MCTP1: variants seen among roughly 807,000 people sequenced by gnomAD.
MCTP1 encodes the protein multiple C2 and transmembrane domain containing 1.
In MCTP1, 69 loss-of-function variants were observed where a neutral mutation model predicts 120.6. The ratio of observed to expected loss-of-function variants is 0.57; its 90% CI spans 0.47 to 0.70. The LOEUF (loss-of-function observed/expected upper bound fraction) is 0.70. Ranked by LOEUF, MCTP1 falls within the 30% of genes least tolerant of loss-of-function variation. The probability of loss-of-function intolerance (pLI) is 0.00; values close to 1 mark genes in which losing one functional copy is unlikely to be tolerated. For missense variants in MCTP1, 1,203 were observed against 1,248.8 expected, an observed-to-expected ratio of 0.96 and a Z score of 0.55; for synonymous variants, 529 against 493.1, an observed-to-expected ratio of 1.07 and a Z score of -0.96.
chr5:94,778,989 A>G (rs1776017989), intron 19 of MCTP1, 121 bp downstream of exon 19: 1 of 805,774 alleles, frequency 1.2e-6, no homozygotes, highest in African/African-American at 1.7e-5. Flanking sequence ...AGGATGATAA[A>G]CAGCACTGTC....
At chr5:94,741,934 T>C (rs1169534351) in intron 19 of MCTP1, among the ~76,000 whole-genome samples, 2 of 152,228 alleles carry the variant, frequency 1.3e-5, no homozygotes, top group Admixed American at 1.3e-4. Flanking sequence ...GGTTGTTAGA[T>C]GCCTCAAATG....
At chr5:94,992,267 A>G (rs1424554054) in intron 2 of MCTP1, among the ~76,000 whole-genome samples, 1 of 152,060 alleles carries the variant, frequency 6.6e-6, no homozygotes, top group Non-Finnish European at 1.5e-5. Flanking sequence ...TTTAGTTAAT[A>G]TGATGCTAAG....
chr5:95,025,878 C>G (rs1026061206), intron 1 of MCTP1, among the ~76,000 whole-genome samples: 2 of 152,128 alleles, frequency 1.3e-5, no homozygotes, highest in Non-Finnish European at 2.9e-5. Context: ...TTTGTGAAAA[C>G]TATGCACAAA....
chr5:95,283,446 G>A (rs1326393650), intron 1 of MCTP1, among the ~76,000 whole-genome samples: 1 of 152,178 alleles, frequency 6.6e-6, no homozygotes, highest in African/African-American at 2.4e-5. Context: ...CTTCCCGCCA[G>A]CCATTTGCTT....
intron 20 of MCTP1, among the ~76,000 whole-genome samples, chr5:94,714,088 T>TA (rs983905673): frequency 9.2e-5 from 14 of 151,994 alleles, no homozygotes; most frequent in South Asian, 2.1e-4. Context: ...ATACACCTTT[T>TA]AAAAAAAATA....
intron 18 of MCTP1, among the ~76,000 whole-genome samples, chr5:94,794,536 A>C (rs895237169): frequency 2.6e-5 from 4 of 152,264 alleles, no homozygotes; most frequent in African/African-American, 9.6e-5. Context: ...ATGCCCATGC[A>C]TGTAGCATAG....
At chr5:94,737,461 CTGTT>C (rs772172184) in intron 19 of MCTP1, among the ~76,000 whole-genome samples, 20 of 151,820 alleles carry the variant, frequency 1.3e-4, no homozygotes, top group Non-Finnish European at 2.2e-4. Context: ...ATTCTTGTCA[CTGTT>C]TGAATACTAA....
intron 10 of MCTP1, 137 bp downstream of exon 10, chr5:94,909,114 A>T (rs1807742425): frequency 2.9e-6 from 3 of 1,026,686 alleles, no homozygotes; most frequent in Non-Finnish European, 4.2e-6. Flanking sequence ...TTTTCAGTTC[A>T]TCCAAGCATT....
In MCTP1 at chr5:94,755,315, C is replaced by T. The variant is rs577256116; in HGVS notation, c.2610+23795G>A. On this transcript the variant is annotated intron_variant, in intron 19 of 22. Transcript: ENST00000515393. Reference sequence around the variant, plus strand: ...TCCCCTCTTCTAGCTCTGGATTCCTCCTTCCCCACTGATTCCTTTTAAAGA... The same window carrying T: ...TCCCCTCTTCTAGCTCTGGATTCCTTCTTCCCCACTGATTCCTTTTAAAGA... Among the ~76,000 whole-genome samples the T allele has an allele frequency of 1.2e-4, 19 of 152,286 alleles. No homozygotes were observed. The Middle Eastern group carries it at 0.014, about 109-fold the overall frequency.
chr5:94,891,789 T>TAAATAA (rs1361063830), intron 11 of MCTP1, among the ~76,000 whole-genome samples: 1 of 147,670 alleles, frequency 6.8e-6, no homozygotes, highest in South Asian at 2.2e-4. Context: ...TAAATAAATA[T>TAAATAA]ATTGGTTTAA....
chr5:94,721,737 T>C (rs931682754), intron 19 of MCTP1, among the ~76,000 whole-genome samples: 6 of 152,114 alleles, frequency 3.9e-5, no homozygotes, highest in African/African-American at 1.4e-4. Context: ...AGAGAATAAA[T>C]TGGTACATTC....
chr5:95,186,046 G>A (rs1024042617), intron 1 of MCTP1, among the ~76,000 whole-genome samples: 7 of 151,582 alleles, frequency 4.6e-5, no homozygotes, highest in African/African-American at 1.5e-4. Flanking sequence ...GCAGTGAGCC[G>A]AAATTGCGCC....
chr5:95,045,502 T>A (rs1197641136), intron 1 of MCTP1, among the ~76,000 whole-genome samples: 1 of 152,126 alleles, frequency 6.6e-6, no homozygotes, highest in African/African-American at 2.4e-5. Flanking sequence ...CTAGAGTCGA[T>A]GAAAGCTAGA....
chr5:95,096,048 A>G (rs1405025704), intron 1 of MCTP1, among the ~76,000 whole-genome samples: 1 of 152,186 alleles, frequency 6.6e-6, no homozygotes, highest in African/African-American at 2.4e-5. Flanking sequence ...CGCAATGACA[A>G]TGAAAAAATG....
intron 5 of MCTP1, among the ~76,000 whole-genome samples, chr5:94,933,764 T>C (rs1022238438): frequency 1.3e-4 from 19 of 151,798 alleles, no homozygotes; most frequent in Admixed American, 3.9e-4. Context: ...TAGCCAATAT[T>C]ACAAGGATTC....
At position 94,912,466 on chromosome 5, in the gene MCTP1, A is replaced by AAAAAAAAAAAAAAAAAAG. The variant is rs1211529200; in HGVS notation, c.1521+339_1521+340insCTTTTTTTTTTTTTTTTT. Among the ~76,000 whole-genome samples the AAAAAAAAAAAAAAAAAAG allele has an allele frequency of 1.2e-3, 109 of 92,098 alleles. 31 individuals carry two copies. Among genetic ancestry groups the AAAAAAAAAAAAAAAAAAG allele is most frequent in the South Asian group, 1.5e-3 (4 of 2,646 alleles). The allele number at this position is 92,098 out of a possible 152,430, so 60.4% of individuals were successfully genotyped here. On this transcript the variant is annotated intron_variant, in intron 9 of 22. Coordinates refer to ENST00000515393, the MANE Select transcript of MCTP1 (RefSeq NM_024717.7). Reference sequence around the variant, plus strand: ...AAAAAAAAAAAAAAAAAAAAAAAAAAGCCGCACTCTGAGTACTTTATGTGC... The same window carrying AAAAAAAAAAAAAAAAAAG: ...AAAAAAAAAAAAAAAAAAAAAAAAAAAAAAAAAAAAAAAAAAAGGCCGCACTCTGAGTACTTTATGTGC...
intron 1 of MCTP1, among the ~76,000 whole-genome samples, chr5:95,246,677 C>T (rs962224764): frequency 6.6e-6 from 1 of 152,132 alleles, no homozygotes; most frequent in Non-Finnish European, 1.5e-5. Context: ...CCTTAGAGAC[C>T]TACAAAGAGA....
At chr5:94,908,699 T>G (rs928320147) in intron 10 of MCTP1, among the ~76,000 whole-genome samples, 1 of 143,262 alleles carries the variant, frequency 7.0e-6, no homozygotes, top group African/African-American at 2.8e-5. Context: ...ACCTTAACTT[T>G]GTGAAAAATG....
intron 1 of MCTP1, among the ~76,000 whole-genome samples, chr5:95,190,495 T>C (rs964809427): frequency 2.6e-5 from 4 of 152,108 alleles, no homozygotes; most frequent in African/African-American, 9.6e-5. Flanking sequence ...TAGATATCTA[T>C]ATTCTAGAGC....
Sources: gnomAD v4.1 joint callset for allele counts (sites outside exome capture counted in the v4.1 genomes callset) on GRCh38, gnomAD v4.1.1 for gene constraint, MANE v1.5 for transcripts, NCBI Gene and HGNC (gene_info 2026-07-23, HGNC 2026-07-21) for gene names.